The following UBE2E1 variants were observed in gnomAD, a reference collection of about 807,000 sequenced individuals.
The protein encoded by UBE2E1 is ubiquitin-conjugating enzyme E2 E1.
Under a neutral mutation model 21.4 loss-of-function variants are expected in UBE2E1, and 6 were observed. The ratio of observed to expected loss-of-function variants is 0.28; its 90% CI spans 0.15 to 0.55. UBE2E1 has a LOEUF of 0.55. Ranked by LOEUF, UBE2E1 falls within the 20% of genes least tolerant of loss-of-function variation. UBE2E1 has a pLI of 0.93. For missense variants in UBE2E1, 142 were observed against 236.5 expected, an observed-to-expected ratio of 0.60 and a Z score of 2.62; for synonymous variants, 87 against 82.7, an observed-to-expected ratio of 1.05 and a Z score of -0.28.
At chr3:23,811,548 CT>C (rs1699393476) in intron 3 of UBE2E1, 38 bp downstream of exon 3, 1 of 1,590,856 alleles carries the variant, frequency 6.3e-7, no homozygotes, top group African/African-American at 1.3e-5. Context: ...TTTTAAAATT[CT>C]TCTAACCTTT....
At chr3:23,877,442 T>C (rs937331824) in intron 3 of UBE2E1, among the ~76,000 whole-genome samples, 1 of 152,090 alleles carries the variant, frequency 6.6e-6, no homozygotes, top group African/African-American at 2.4e-5. Flanking sequence ...CTGTTGACAT[T>C]GTAGGCTGAG....
intron 3 of UBE2E1, among the ~76,000 whole-genome samples, chr3:23,818,507 G>A (rs1699574896): frequency 6.6e-6 from 1 of 152,168 alleles, no homozygotes; most frequent in South Asian, 2.1e-4. Flanking sequence ...TACAGGAGAT[G>A]TTAAAAGAAT....
chr3:23,837,084 C>T (rs1481910031), intron 3 of UBE2E1, among the ~76,000 whole-genome samples: 2 of 152,108 alleles, frequency 1.3e-5, no homozygotes, highest in Admixed American at 1.3e-4. Flanking sequence ...TACTCTGTTT[C>T]CTTATCTGTA....
In UBE2E1 at chr3:23,810,538, G is replaced by C. The variant is rs573307315; in HGVS notation, c.153-922G>C. On this transcript the variant is annotated intron_variant, in intron 2 of 5. Transcript: ENST00000306627. The surrounding 1 kb of genome is among the most constrained non-coding windows in gnomAD (Gnocchi z 5.8). ...GCCCGGGGAAAAGCAGGTCCGGGGAGGTGGGCCGAGAGTCCCGGCCAGCGT... is the reference window on the plus strand; with the variant it reads ...GCCCGGGGAAAAGCAGGTCCGGGGACGTGGGCCGAGAGTCCCGGCCAGCGT... 5 of 1,534,120 alleles carry C rather than the reference G, an allele frequency of 3.3e-6. No individual in the cohort carries two copies. In the African/African-American group the frequency reaches 5.5e-5, roughly 17 times the overall value.
rs977916092 is a variant in UBE2E1 at position 23,816,164 on chromosome 3, T to C, written c.203+4654T>C. On this transcript the variant is annotated intron_variant, in intron 3 of 5. Coordinates refer to ENST00000306627, the MANE Select transcript of UBE2E1 (RefSeq NM_003341.5). The surrounding 1 kb of genome is among the most constrained non-coding windows in gnomAD (Gnocchi z 4.8). ...TTATTCCTCAGAAAGCTAAACAGAA[T>C]TACCGTATGACCCAGTAATTTTACT... Among the ~76,000 whole-genome samples the C allele has an allele frequency of 6.6e-6, 1 of 152,222 alleles. No individual in the cohort carries two copies. Among genetic ancestry groups the C allele is most frequent in the East Asian group, 1.9e-4 (1 of 5,206 alleles).
intron 4 of UBE2E1, among the ~76,000 whole-genome samples, chr3:23,888,035 A>C (rs1295383843): frequency 6.6e-6 from 1 of 152,180 alleles, no homozygotes; most frequent in African/African-American, 2.4e-5. Flanking sequence ...AGCCAGGTGC[A>C]GTGGTGTGCA....
chr3:23,879,058 A>T, intron 3 of UBE2E1: 1 of 503,650 alleles, frequency 2.0e-6, no homozygotes, highest in Non-Finnish European at 4.0e-6. Flanking sequence ...CCCCTTGCCA[A>T]CAATGTATCA....
chr3:23,879,942 A>T (rs1003844231), intron 3 of UBE2E1, among the ~76,000 whole-genome samples: 14 of 152,254 alleles, frequency 9.2e-5, no homozygotes, highest in African/African-American at 3.4e-4. Flanking sequence ...TGATAGAAAG[A>T]TACTTTTAAA....
In UBE2E1 at chr3:23,823,404, G is replaced by T. The variant is rs533513275; in HGVS notation, c.203+11894G>T. On this transcript the variant is annotated intron_variant, in intron 3 of 5. Coordinates refer to ENST00000306627, the MANE Select transcript of UBE2E1 (RefSeq NM_003341.5). The surrounding 1 kb of genome is among the most constrained non-coding windows in gnomAD (Gnocchi z 4.2). ...TGGAATCACAAAAGCATTAGGTGCT[G>T]AACTGCCAGAGACAAGCAACAAATA... Among the ~76,000 whole-genome samples the T allele has an allele frequency of 6.6e-6, 1 of 152,192 alleles. No homozygotes were observed. The highest frequency in any genetic ancestry group is 2.4e-5 in the African/African-American group (1 of 41,438).
intron 3 of UBE2E1, among the ~76,000 whole-genome samples, chr3:23,822,285 A>G (rs1328969548): frequency 1.3e-5 from 2 of 152,224 alleles, no homozygotes; most frequent in Non-Finnish European, 2.9e-5. Context: ...ATTTTCAAGA[A>G]TGAAAATGTG....
At chr3:23,841,134 C>T (rs111415525) in intron 3 of UBE2E1, among the ~76,000 whole-genome samples, 117 of 152,160 alleles carry the variant, frequency 7.7e-4, no homozygotes, top group African/African-American at 1.6e-3. Context: ...TTTAGAGATG[C>T]GGGTGAACTG....
rs1453948125 is a variant in UBE2E1 at position 23,816,745 on chromosome 3, A to G, written c.203+5235A>G. On this transcript the variant is annotated intron_variant, in intron 3 of 5. Coordinates refer to ENST00000306627, the MANE Select transcript of UBE2E1 (RefSeq NM_003341.5). The surrounding 1 kb of genome is among the most constrained non-coding windows in gnomAD (Gnocchi z 4.8). ...ATACTAAGTGAAATAAACTAGAACCAAAAAGACAAATAGCGTATGATTCCA... is the reference window on the plus strand; with the variant it reads ...ATACTAAGTGAAATAAACTAGAACCGAAAAGACAAATAGCGTATGATTCCA... Among the ~76,000 whole-genome samples, 1 of 152,194 alleles carries G rather than the reference A, an allele frequency of 6.6e-6. No individual in the cohort carries two copies. Among genetic ancestry groups the G allele is most frequent in the Non-Finnish European group, 1.5e-5 (1 of 68,040 alleles).
At chr3:23,830,551 G>A (rs919494151) in intron 3 of UBE2E1, among the ~76,000 whole-genome samples, 5 of 152,154 alleles carry the variant, frequency 3.3e-5, no homozygotes, top group Non-Finnish European at 7.3e-5. Context: ...TGGGGTGGGG[G>A]CAGGTTTGGG....
intron 3 of UBE2E1, among the ~76,000 whole-genome samples, chr3:23,848,776 A>T (rs1700262898): frequency 1.3e-5 from 2 of 152,196 alleles, no homozygotes; most frequent in South Asian, 4.1e-4. Flanking sequence ...CATCTAAGAA[A>T]GGAAGAGGGA....
chr3:23,861,517 C>A (rs998037809), intron 3 of UBE2E1, among the ~76,000 whole-genome samples: 2 of 152,212 alleles, frequency 1.3e-5, no homozygotes, highest in Admixed American at 6.5e-5. Flanking sequence ...CTCCAGCCTT[C>A]ACGTCCAAAT....
Position 23,853,990 on chromosome 3 carries a change from G to T in UBE2E1, c.204-33577G>T, listed in dbSNP as rs1369264592. ...TGCTTTATCTTGGTCAGGCATGGTG[G>T]CTCATGCCTGTAATCCCAGCACTTT... On this transcript the variant is annotated intron_variant, in intron 3 of 5. Coordinates refer to ENST00000306627, the MANE Select transcript of UBE2E1 (RefSeq NM_003341.5). The surrounding 1 kb of genome is among the most constrained non-coding windows in gnomAD (Gnocchi z 4.1). Among the ~76,000 whole-genome samples the T allele has an allele frequency of 6.6e-6, 1 of 152,166 alleles. No individual in the cohort carries two copies. Among genetic ancestry groups the T allele is most frequent in the African/African-American group, 2.4e-5 (1 of 41,428 alleles).
At chr3:23,874,273 G>C (rs964299241) in intron 3 of UBE2E1, among the ~76,000 whole-genome samples, 1 of 152,172 alleles carries the variant, frequency 6.6e-6, no homozygotes, top group Non-Finnish European at 1.5e-5. Flanking sequence ...AACTTTCTTT[G>C]TGACACTCTT....
At chr3:23,831,562 G>A (rs1401972669) in intron 3 of UBE2E1, among the ~76,000 whole-genome samples, 3 of 147,160 alleles carry the variant, frequency 2.0e-5, no homozygotes, top group African/African-American at 7.6e-5. Context: ...TGTTGCCCAG[G>A]CTGGAGTGCA....
chr3:23,812,352 T>G (rs1699413887), intron 3 of UBE2E1, among the ~76,000 whole-genome samples: 1 of 152,238 alleles, frequency 6.6e-6, no homozygotes, highest in Admixed American at 6.5e-5. Flanking sequence ...GAAAGGGATG[T>G]GAGATTTCAG....
Sources: gnomAD v4.1 joint callset for allele counts (sites outside exome capture counted in the v4.1 genomes callset) on GRCh38, gnomAD v4.1.1 for gene constraint, Gnocchi (gnomAD v3.1) non-coding constraint, MANE v1.5 for transcripts, NCBI Gene and HGNC (gene_info 2026-07-23, HGNC 2026-07-21) for gene names.